The following DOCK4 variants were observed in gnomAD, a reference collection of about 807,000 sequenced individuals.
The protein encoded by DOCK4 is dedicator of cytokinesis 4, also known as dedicator of cytokinesis protein 4.
DOCK4 carries 97 observed loss-of-function variants against 268.1 expected under a neutral mutation model. The ratio of observed to expected loss-of-function variants is 0.36; its 90% CI spans 0.31 to 0.43. The LOEUF (loss-of-function observed/expected upper bound fraction) is 0.43. DOCK4 is among the 20% of genes least tolerant of loss of function. The pLI, the probability that DOCK4 is intolerant of heterozygous loss-of-function variation, is 1.00. For synonymous variants in DOCK4, 954 were observed against 887.2 expected, an observed-to-expected ratio of 1.08 and a Z score of -1.34; for missense variants, 2,145 against 2,455.7, an observed-to-expected ratio of 0.87 and a Z score of 2.67.
intron 1 of DOCK4, among the ~76,000 whole-genome samples, chr7:112,104,853 G>T (rs1295471292): frequency 1.3e-5 from 2 of 152,014 alleles, no homozygotes; most frequent in African/African-American, 4.8e-5. Context: ...ATATAAGGTA[G>T]TATATAATTA....
intron 30 of DOCK4, 91 bp from the exon 31 acceptor site, chr7:111,790,696 T>C (rs1219424702): frequency 2.2e-6 from 3 of 1,337,752 alleles, no homozygotes; most frequent in Non-Finnish European, 9.9e-7. Flanking sequence ...AAACTATTGC[T>C]AGAAATATAT....
intron 1 of DOCK4, among the ~76,000 whole-genome samples, chr7:112,070,578 G>A (rs1807494695): frequency 6.6e-6 from 1 of 152,100 alleles, no homozygotes; most frequent in African/African-American, 2.4e-5. Context: ...TGAATATTTA[G>A]GTTCCTGAAG....
intron 7 of DOCK4, among the ~76,000 whole-genome samples, chr7:111,983,835 T>C (rs961832878): frequency 2.6e-4 from 30 of 113,240 alleles, no homozygotes; most frequent in African/African-American, 1.1e-3. Context: ...ATTATGTATG[T>C]ACACACACAC....
intron 8 of DOCK4, among the ~76,000 whole-genome samples, chr7:111,974,321 T>TA (rs1236962075): frequency 6.6e-6 from 1 of 152,112 alleles, no homozygotes; most frequent in Non-Finnish European, 1.5e-5. Context: ...AAACATCTAG[T>TA]AAGCATATAT....
chr7:111,888,224 C>T (rs999230985), intron 16 of DOCK4, among the ~76,000 whole-genome samples: 9 of 148,594 alleles, frequency 6.1e-5, no homozygotes, highest in African/African-American at 2.0e-4. Context: ...GTCAGCATTG[C>T]CCTCTCCTAT....
At chr7:112,072,648 G>T (rs570828624) in intron 1 of DOCK4, among the ~76,000 whole-genome samples, 2 of 152,180 alleles carry the variant, frequency 1.3e-5, no homozygotes, top group African/African-American at 2.4e-5. Context: ...CAACCATCAG[G>T]TGATGGTCAG....
At chr7:111,744,784 A>G (rs1585853074) in intron 44 of DOCK4, among the ~76,000 whole-genome samples, 1 of 152,168 alleles carries the variant, frequency 6.6e-6, no homozygotes, top group South Asian at 2.1e-4. Flanking sequence ...TGAGAACTTG[A>G]CTTATTCTTT....
In DOCK4 at chr7:112,020,647, T is replaced by A. The variant is rs577972836; in HGVS notation, c.38-16516A>T. Reference sequence around the variant, plus strand: ...CACAGAAGATAGGCCAAAACTGACTTGGCTTTCTATGCCAAAGAGTCACTG... The same window carrying A: ...CACAGAAGATAGGCCAAAACTGACTAGGCTTTCTATGCCAAAGAGTCACTG... On this transcript the variant is annotated intron_variant, in intron 1 of 52. Transcript: ENST00000428084. Among the ~76,000 whole-genome samples, 8 of 148,474 alleles carry A rather than the reference T, an allele frequency of 5.4e-5. No homozygotes were observed. In the East Asian group the frequency reaches 1.6e-3, roughly 29 times the overall value.
intron 1 of DOCK4, among the ~76,000 whole-genome samples, chr7:112,094,735 G>T (rs927891813): frequency 6.6e-6 from 1 of 152,178 alleles, no homozygotes; most frequent in Admixed American, 6.5e-5. Context: ...TAACTCCCCA[G>T]TGTTGGAGGT....
Position 111,935,581 on chromosome 7 carries a change from TTGA to T in DOCK4, c.1022_1024del (p.Ile341del). The T allele has an allele frequency of 6.2e-7, 1 of 1,613,950 alleles. No individual in the cohort carries two copies. The highest frequency in any genetic ancestry group is 8.5e-7 in the Non-Finnish European group (1 of 1,179,860). On this transcript the variant is annotated inframe_deletion, in exon 12 of 53. Coordinates refer to ENST00000428084, the MANE Select transcript of DOCK4 (RefSeq NM_001363540.2). Reference sequence around the variant, plus strand: ...CAAGTTATAACGTGCATTCAGCTTTTTGATGATGTTCTCATGGATTTGGTACCA... The same window carrying T: ...CAAGTTATAACGTGCATTCAGCTTTTTGATGTTCTCATGGATTTGGTACCA...
At chr7:111,877,862 G>T (rs1807042780) in intron 16 of DOCK4, among the ~76,000 whole-genome samples, 1 of 152,206 alleles carries the variant, frequency 6.6e-6, no homozygotes, top group South Asian at 2.1e-4. Flanking sequence ...GGAATCGGAT[G>T]TTCATATGAT....
chr7:111,784,281 G>A (rs1036828776), intron 32 of DOCK4, 158 bp from the exon 33 acceptor site: 22 of 848,680 alleles, frequency 2.6e-5, no homozygotes, highest in East Asian at 1.6e-4. Context: ...AGAGGCTTGC[G>A]TCTTACCACA....
At chr7:111,918,044 T>A (rs528038722) in intron 12 of DOCK4, among the ~76,000 whole-genome samples, 1 of 152,202 alleles carries the variant, frequency 6.6e-6, no homozygotes, top group East Asian at 1.9e-4. Flanking sequence ...TGTTTTTCAA[T>A]AGAGTGGTTA....
At chr7:112,189,746 G>T (rs868240783) in intron 1 of DOCK4, among the ~76,000 whole-genome samples, 257 of 95,694 alleles carry the variant, frequency 2.7e-3, no homozygotes, top group East Asian at 3.9e-3. Flanking sequence ...TCTGGGTTTT[G>T]TTTTTTTTTT....
At chr7:111,982,692 A>G (rs1021169271) in intron 7 of DOCK4, among the ~76,000 whole-genome samples, 14 of 152,230 alleles carry the variant, frequency 9.2e-5, no homozygotes, top group Non-Finnish European at 4.4e-5. Context: ...CAGTCTTTTC[A>G]TGATACCATA....
chr7:112,000,003 G>A (rs1800294650), intron 3 of DOCK4, among the ~76,000 whole-genome samples: 1 of 152,086 alleles, frequency 6.6e-6, no homozygotes, highest in Admixed American at 6.6e-5. Flanking sequence ...ATTTCTGCCT[G>A]AAATGGTAAG....
chr7:111,758,681 T>G lies in DOCK4; in HGVS notation c.4272A>C (p.Lys1424Asn), dbSNP rs756822974. Residue 1424 changes from lysine (K) to asparagine (N), a missense_variant, in exon 41 of 53, where the codon AAA becomes AAC. This residue lies in a region of DOCK4 where 1,598 missense variants were observed against 1,986.7 expected (regional missense o/e 0.80). Coordinates refer to ENST00000428084, the MANE Select transcript of DOCK4 (RefSeq NM_001363540.2). ...KSFYKVNHIW[K>N]FRYDRPFHKG... The stretch of plus-strand genomic sequence containing the variant: ...TGTGAAATGGTCGGTCATAGCGGAA[T>G]TTCCAGATGTGATTCACTTTATAGA... The G allele has an allele frequency of 6.2e-7, 1 of 1,613,980 alleles. No individual in the cohort carries two copies. The highest frequency in any genetic ancestry group is 1.1e-5 in the South Asian group (1 of 91,064).
At chr7:111,988,055 G>A (rs1043879262) in intron 6 of DOCK4, among the ~76,000 whole-genome samples, 11 of 152,212 alleles carry the variant, frequency 7.2e-5, no homozygotes, top group African/African-American at 2.7e-4. Context: ...ATGGTAATGG[G>A]AAGTGGCATT....
rs191951278 is a variant in DOCK4, at chr7:112,045,995, A to T, written c.38-41864T>A. On this transcript the variant is annotated intron_variant, in intron 1 of 52. Transcript: ENST00000428084. ...AAGTTCCCTTTAGCTATAATGTATA[A>T]GTTTATACAGTCATGGCATATGGAA... Among the ~76,000 whole-genome samples, 3 of 152,346 alleles carry T rather than the reference A, an allele frequency of 2.0e-5. No homozygotes were observed. The East Asian group carries it at 5.8e-4, about 29-fold the overall frequency.
Sources: allele counts gnomAD v4.1 joint callset (sites outside exome capture counted in the v4.1 genomes callset), GRCh38; gene constraint gnomAD v4.1.1; regional missense constraint gnomAD v4.1.1; transcripts MANE v1.5; gene names NCBI Gene and HGNC (gene_info 2026-07-23, HGNC 2026-07-21).